Variants in CSNK1A1 observed in about 807,000 individuals in gnomAD.
CSNK1A1 encodes casein kinase I isoform alpha.
CSNK1A1 carries 7 observed loss-of-function variants against 46.1 expected under a neutral mutation model. The ratio of observed to expected loss-of-function variants is 0.15; its 90% CI spans 0.09 to 0.29. The LOEUF is 0.29. Ranked by LOEUF, CSNK1A1 falls within the 10% of genes least tolerant of loss-of-function variation. The pLI, the probability that CSNK1A1 is intolerant of heterozygous loss-of-function variation, is 1.00. For missense variants in CSNK1A1, 96 were observed against 417.1 expected (o/e 0.23, Z 6.71); for synonymous variants, 137 against 141.5 (o/e 0.97, Z 0.23).
At chr5:149,528,118 G>A (rs1418998148) in intron 2 of CSNK1A1, among the ~76,000 whole-genome samples, 1 of 152,108 alleles carries the variant, frequency 6.6e-6, no homozygotes, top group Admixed American at 6.5e-5. Flanking sequence ...TTAATAGTTA[G>A]AAACTGGGAA....
chr5:149,498,081 C>G, intron 9 of CSNK1A1: 1 of 968,288 alleles, frequency 1.0e-6, no homozygotes, highest in Non-Finnish European at 1.2e-6. Context: ...ATCCACCCGC[C>G]ATGGCCTCCC....
chr5:149,534,482 CAAAAAAAAAAAAA>C (rs10597922), intron 2 of CSNK1A1, among the ~76,000 whole-genome samples: 4 of 94,974 alleles, frequency 4.2e-5, no homozygotes, highest in African/African-American at 1.7e-4. Flanking sequence ...GACTCTGTCT[CAAAAAAAAAAAAA>C]AAAAAAAAAA....
intron 2 of CSNK1A1, among the ~76,000 whole-genome samples, chr5:149,542,644 A>G (rs10074432): frequency 0.43 from 4,156 of 9,706 alleles, 678 homozygotes; most frequent in Non-Finnish European, 0.45. Flanking sequence ...ATATATGTAT[A>G]TATATATATA....
chr5:149,547,331 T>C (rs995807296), intron 2 of CSNK1A1, among the ~76,000 whole-genome samples: 1 of 152,260 alleles, frequency 6.6e-6, no homozygotes, highest in Non-Finnish European at 1.5e-5. Context: ...AATTTATTCA[T>C]GTGCTTATTC....
At chr5:149,534,397 T>C (rs1761989565) in intron 2 of CSNK1A1, among the ~76,000 whole-genome samples, 1 of 146,004 alleles carries the variant, frequency 6.8e-6, no homozygotes, top group Non-Finnish European at 1.5e-5. Flanking sequence ...GGCAGAAGAA[T>C]TGCTTGAACC....
At chr5:149,532,510 T>C (rs146705851) in intron 2 of CSNK1A1, among the ~76,000 whole-genome samples, 3,046 of 152,166 alleles carry the variant, frequency 0.02, 40 homozygotes, top group Non-Finnish European at 0.031. Flanking sequence ...CTGGCCAACA[T>C]GGTGAAACCC....
chr5:149,542,631 T>TAC lies in CSNK1A1; in HGVS notation c.230+7443_230+7444insGT, dbSNP rs1762303488. On this transcript the variant is annotated intron_variant, in intron 2 of 9. Coordinates refer to ENST00000377843, the MANE Select transcript of CSNK1A1 (RefSeq NM_001892.6). ...ATATATATATATATATATATATATA[T>TAC]ATATATATGTATATATATATATATA... Among the ~76,000 whole-genome samples, 12 of 12,540 alleles carry TAC rather than the reference T, an allele frequency of 9.6e-4. 1 individual carries two copies. Among genetic ancestry groups the TAC allele is most frequent in the African/African-American group, 6.5e-3 (12 of 1,850 alleles). 8.2% of individuals were successfully genotyped at this position (12,540 alleles called of 152,430 possible). A position where few individuals can be genotyped will look rare whatever the true frequency, so the allele number is the denominator to read the frequency against.
chr5:149,527,740 G>T (rs141173107), intron 2 of CSNK1A1, among the ~76,000 whole-genome samples: 1 of 151,960 alleles, frequency 6.6e-6, no homozygotes, highest in African/African-American at 2.4e-5. Flanking sequence ...CATTACAAAC[G>T]TTCAACACTT....
Position 149,517,024 on chromosome 5 carries a change from A to G in CSNK1A1, c.456+3266T>C, listed in dbSNP as rs1021988763. Among the ~76,000 whole-genome samples, 22 of 152,302 alleles carry G rather than the reference A, an allele frequency of 1.4e-4. No homozygotes were observed. The highest frequency in any genetic ancestry group is 1.4e-3 in the Admixed American group (22 of 15,302). On this transcript the variant is annotated intron_variant, in intron 4 of 9. Coordinates refer to ENST00000377843, the MANE Select transcript of CSNK1A1 (RefSeq NM_001892.6). The surrounding 1 kb of genome is among the most constrained non-coding windows in gnomAD (Gnocchi z 4.4). ...CATTTATGAACTTAAATTTTGTGAT[A>G]AAAAAGCTATTTAACTTCAACAAAA...
At chr5:149,539,432 C>T (rs1158199558) in intron 2 of CSNK1A1, among the ~76,000 whole-genome samples, 2 of 150,258 alleles carry the variant, frequency 1.3e-5, no homozygotes, top group Non-Finnish European at 2.9e-5. Context: ...AGCCACTATA[C>T]TCCAGGCCTA....
intron 4 of CSNK1A1, among the ~76,000 whole-genome samples, chr5:149,515,886 C>T (rs1761385036): frequency 6.6e-6 from 1 of 152,158 alleles, no homozygotes; most frequent in Non-Finnish European, 1.5e-5. Context: ...CTTTTATGTG[C>T]AAAGACACAG....
chr5:149,514,977 T>C (rs771119676), intron 4 of CSNK1A1, among the ~76,000 whole-genome samples: 56 of 152,230 alleles, frequency 3.7e-4, no homozygotes, highest in Non-Finnish European at 1.5e-4. Context: ...ATAAAGCTTA[T>C]ACTTTAAGTT....
chr5:149,507,212 A>G (rs1561753500), intron 7 of CSNK1A1, 79 bp from the exon 8 acceptor site: 1 of 1,120,506 alleles, frequency 8.9e-7, no homozygotes, highest in Non-Finnish European at 1.3e-6. Context: ...GTATAAGCAA[A>G]AAGATATTTT....
At chr5:149,519,905 C>A (rs189546386) in intron 4 of CSNK1A1, among the ~76,000 whole-genome samples, 1 of 152,254 alleles carries the variant, frequency 6.6e-6, no homozygotes, top group East Asian at 1.9e-4. Flanking sequence ...TATAAAAACC[C>A]ACACTTCAGA....
intron 4 of CSNK1A1, among the ~76,000 whole-genome samples, chr5:149,515,515 C>A (rs1761373742): frequency 6.6e-6 from 1 of 152,004 alleles, no homozygotes; most frequent in African/African-American, 2.4e-5. Flanking sequence ...ATCTAAAGAG[C>A]AAATAATTTG....
intron 2 of CSNK1A1, among the ~76,000 whole-genome samples, chr5:149,531,045 T>G (rs1231891577): frequency 6.6e-6 from 1 of 151,734 alleles, no homozygotes; most frequent in Non-Finnish European, 1.5e-5. Context: ...CCTTTCAATT[T>G]TCCTATACAT....
chr5:149,548,965 T>C (rs1054449013), intron 2 of CSNK1A1, among the ~76,000 whole-genome samples: 2 of 152,246 alleles, frequency 1.3e-5, no homozygotes, highest in Admixed American at 6.5e-5. Context: ...AACTATATTT[T>C]AGTCTCCATT....
At chr5:149,537,526 A>G (rs1341579515) in intron 2 of CSNK1A1, among the ~76,000 whole-genome samples, 2 of 152,144 alleles carry the variant, frequency 1.3e-5, no homozygotes, top group African/African-American at 4.8e-5. Context: ...ACCTCAGCAC[A>G]GAATTTCTCA....
At chr5:149,535,915 A>G (rs988128191) in intron 2 of CSNK1A1, among the ~76,000 whole-genome samples, 4 of 151,604 alleles carry the variant, frequency 2.6e-5, no homozygotes, top group African/African-American at 9.7e-5. Flanking sequence ...CAACGTGCTG[A>G]GATTACAGGG....
Sources: gnomAD v4.1 joint callset for allele counts (sites outside exome capture counted in the v4.1 genomes callset) on GRCh38, gnomAD v4.1.1 for gene constraint, Gnocchi (gnomAD v3.1) non-coding constraint, MANE v1.5 for transcripts, NCBI Gene and HGNC (gene_info 2026-07-23, HGNC 2026-07-21) for gene names.